Variants in MTM1 observed in about 807,000 individuals in gnomAD.
MTM1 encodes the protein myotubularin 1.
A neutral mutation model predicts 52.1 loss-of-function variants in MTM1; 9 were observed. That is an observed-to-expected ratio of 0.17 (90% CI 0.10 to 0.30). The LOEUF (loss-of-function observed/expected upper bound fraction) is 0.30. Ranked by LOEUF, MTM1 falls within the 10% of genes least tolerant of loss-of-function variation. The pLI is 1.00. For synonymous variants in MTM1, 136 were observed against 163.8 expected, an observed-to-expected ratio of 0.83 and a Z score of 1.29; for missense variants, 277 against 470.7, an observed-to-expected ratio of 0.59 and a Z score of 3.81.
rs970061966 is a variant in MTM1, at chrX:150,620,212, A to T, written c.444+1073A>T. Among the ~76,000 whole-genome samples the T allele has an allele frequency of 3.6e-5, 4 of 112,069 alleles. No individual in the cohort carries two copies. In the East Asian group the frequency reaches 1.1e-3, roughly 31 times the overall value. ...ATTTATGCATATCTGGCCCTAAATT[A>T]TCAGAAATTGACAGAATGGCAGGTT... On this transcript the variant is annotated intron_variant, in intron 6 of 14. Coordinates refer to ENST00000370396, the MANE Select transcript of MTM1 (RefSeq NM_000252.3).
chrX:150,643,090 G>A (rs185412737), intron 8 of MTM1, among the ~76,000 whole-genome samples: 1 of 111,144 alleles, frequency 9.0e-6, no homozygotes, highest in African/African-American at 3.3e-5. Context: ...GTTCTTTGCA[G>A]TATGCTTTCT....
intron 8 of MTM1, among the ~76,000 whole-genome samples, chrX:150,644,159 TA>T (rs1267394673): frequency 4.5e-5 from 5 of 111,729 alleles, no homozygotes; most frequent in East Asian, 2.8e-4. Flanking sequence ...TAAAAAATAT[TA>T]AAAAATATTT....
At position 150,671,703 on chromosome X, in the gene MTM1, G is replaced by A. The variant is rs2040400480; in HGVS notation, c.*108G>A. On this transcript the variant is annotated 3_prime_UTR_variant, in exon 15 of 15. Transcript: ENST00000370396. The stretch of plus-strand genomic sequence containing the variant: ...AAATATTTGCCTCCATGTAGAACTT[G>A]AACTAACATAATCTTAAACTCTTGA... 2 of 868,248 alleles carry A rather than the reference G, an allele frequency of 2.3e-6. No individual in the cohort carries two copies. Among genetic ancestry groups the A allele is most frequent in the Non-Finnish European group, 3.3e-6 (2 of 607,786 alleles). 71.6% of individuals were successfully genotyped at this position (868,248 alleles called of 1,213,427 possible). A position where few individuals can be genotyped will look rare whatever the true frequency, so the allele number is the denominator to read the frequency against.
At chrX:150,652,674 C>T (rs1237038651) in intron 10 of MTM1, among the ~76,000 whole-genome samples, 3 of 57,643 alleles carry the variant, frequency 5.2e-5, no homozygotes, top group African/African-American at 3.3e-4. Flanking sequence ...CACACACACA[C>T]ACACACACAC....
intron 12 of MTM1, 69 bp downstream of exon 12, chrX:150,659,825 G>A (rs1557414610): frequency 2.2e-6 from 2 of 913,724 alleles, no homozygotes; most frequent in African/African-American, 2.0e-5. Context: ...TATAATGATT[G>A]GGATTTGACC....
intron 4 of MTM1, among the ~76,000 whole-genome samples, chrX:150,600,706 G>A (rs1375058003): frequency 8.0e-5 from 9 of 112,226 alleles, no homozygotes; most frequent in Non-Finnish European, 1.7e-4. Context: ...GCAGGGATTC[G>A]ATTTATTCTG....
At chrX:150,593,982 G>A (rs191653224) in intron 2 of MTM1, among the ~76,000 whole-genome samples, 4,616 of 110,628 alleles carry the variant, frequency 0.042, 94 homozygotes, top group African/African-American at 0.076. Context: ...GTAAATAAAA[G>A]TGTGTTTGTT....
At chrX:150,669,586 C>T (rs222416) in intron 14 of MTM1, among the ~76,000 whole-genome samples, 37,901 of 111,011 alleles carry the variant, frequency 0.34, 7,171 homozygotes, top group African/African-American at 0.74. Flanking sequence ...TGGTATCTCA[C>T]TGCGGTTTTG....
intron 6 of MTM1, among the ~76,000 whole-genome samples, chrX:150,634,650 G>A (rs1213300681): frequency 9.0e-6 from 1 of 110,992 alleles, no homozygotes; most frequent in Admixed American, 9.6e-5. Flanking sequence ...TGACTAGTAC[G>A]GATCTAGTGA....
chrX:150,668,523 A>T (rs1291510311), intron 14 of MTM1, among the ~76,000 whole-genome samples: 4 of 74,966 alleles, frequency 5.3e-5, no homozygotes, highest in African/African-American at 2.5e-4. Context: ...CCCCTCCTCC[A>T]TCTCTACAAA....
intron 14 of MTM1, among the ~76,000 whole-genome samples, chrX:150,670,703 T>C (rs1408461082): frequency 8.9e-6 from 1 of 111,740 alleles, no homozygotes; most frequent in Non-Finnish European, 1.9e-5. Context: ...CTGGTGAGGT[T>C]GAAAAGACCA....
intron 5 of MTM1, 116 bp from the exon 6 acceptor site, chrX:150,618,921 AG>A: frequency 1.7e-6 from 1 of 572,419 alleles, no homozygotes; most frequent in East Asian, 3.4e-5. Flanking sequence ...GTAATAATTT[AG>A]ATTAATTGCC....
rs139268463 is a variant in MTM1, at chrX:150,601,643, C to T, written c.231+2957C>T. On this transcript the variant is annotated intron_variant, in intron 4 of 14. Transcript: ENST00000370396. ...CCCAGAGAAGTAGAGAAACAGTGTC[C>T]ATGTCCTGAGATTGCCACAGTGGCC... is the stretch of plus-strand genomic sequence containing the variant. Among the ~76,000 whole-genome samples the T allele has an allele frequency of 6.0e-3, 670 of 112,071 alleles. 5 individuals are homozygous for T. The highest frequency in any genetic ancestry group is 0.021 in the African/African-American group (644 of 30,868).
intron 4 of MTM1, among the ~76,000 whole-genome samples, chrX:150,603,172 C>T (rs1447209098): frequency 9.0e-6 from 1 of 111,577 alleles, no homozygotes; most frequent in Non-Finnish European, 1.9e-5. Flanking sequence ...TTTTCTGTAT[C>T]GCATGTATAA....
intron 4 of MTM1, among the ~76,000 whole-genome samples, chrX:150,606,769 C>G (rs1224665304): frequency 1.8e-5 from 2 of 109,928 alleles, no homozygotes; most frequent in Non-Finnish European, 3.8e-5. Context: ...CTCCTTCCCC[C>G]CGCTCTGTGA....
intron 5 of MTM1, among the ~76,000 whole-genome samples, chrX:150,618,260 G>T (rs2039418744): frequency 8.9e-6 from 1 of 112,001 alleles, no homozygotes. Context: ...TAGGAAGAGA[G>T]CTTCTGTATT....
At chrX:150,659,803 T>A in intron 12 of MTM1, 47 bp downstream of exon 12, 1 of 1,012,809 alleles carries the variant, frequency 9.9e-7, no homozygotes, top group Non-Finnish European at 1.4e-6. Flanking sequence ...TTGTTTAAAT[T>A]AAACATTTTA....
intron 3 of MTM1, among the ~76,000 whole-genome samples, chrX:150,597,611 G>C (rs1227164759): frequency 9.0e-6 from 1 of 111,355 alleles, no homozygotes; most frequent in Admixed American, 9.5e-5. Flanking sequence ...AAATCATTAC[G>C]AGTCATTAAC....
rs1309520424 is a variant in MTM1 at position 150,583,966 on chromosome X, T to TA, written c.-10-8634dup. ...ATATATTAAATATATGTTAAATATA[T>TA]AAAAATATTTTAAAAATATATTAAA... On this transcript the variant is annotated intron_variant, in intron 1 of 14. Coordinates refer to ENST00000370396, the MANE Select transcript of MTM1 (RefSeq NM_000252.3). 2.1e-4 allele frequency among the ~76,000 whole-genome samples: 17 copies of TA among 80,134 alleles called. 1 individual carries two copies. The highest frequency in any genetic ancestry group is 7.8e-4 in the African/African-American group (17 of 21,662). The allele number at this position is 80,134 out of a possible 115,157, so 69.6% of individuals were successfully genotyped here.
Sources: gnomAD v4.1 joint callset for allele counts (sites outside exome capture counted in the v4.1 genomes callset) on GRCh38, gnomAD v4.1.1 for gene constraint, MANE v1.5 for transcripts, NCBI Gene and HGNC (gene_info 2026-07-23, HGNC 2026-07-21) for gene names.